SLIT3: variants seen among roughly 807,000 people sequenced by gnomAD.
SLIT3 encodes the protein slit homolog 3 protein.
In SLIT3, 68 loss-of-function variants were observed where a neutral mutation model predicts 184.0. The observed-to-expected ratio is 0.37, with a 90% CI of 0.30 to 0.45. The LOEUF (loss-of-function observed/expected upper bound fraction) is 0.45, where lower values mean the gene tolerates loss of function less well. Ranked by LOEUF, SLIT3 falls within the 20% of genes least tolerant of loss-of-function variation. SLIT3 has a pLI of 1.00. For synonymous variants in SLIT3, 831 were observed against 828.6 expected, an observed-to-expected ratio of 1.00 and a Z score of -0.05; for missense variants, 1,707 against 2,026.0, an observed-to-expected ratio of 0.84 and a Z score of 3.02.
intron 4 of SLIT3, among the ~76,000 whole-genome samples, chr5:168,910,158 A>G (rs1296206749): frequency 3.3e-5 from 5 of 152,306 alleles, no homozygotes; most frequent in Admixed American, 3.3e-4. Flanking sequence ...TAGAGTATTT[A>G]CTTCTCTGGC....
chr5:169,269,711 G>A (rs1214924148), intron 1 of SLIT3, among the ~76,000 whole-genome samples: 2 of 152,260 alleles, frequency 1.3e-5, no homozygotes, highest in African/African-American at 4.8e-5. Flanking sequence ...CTGATAAAAT[G>A]CCAAGGGGCA....
intron 4 of SLIT3, among the ~76,000 whole-genome samples, chr5:168,963,167 T>A (rs1763073858): frequency 6.6e-6 from 1 of 152,240 alleles, no homozygotes; most frequent in Non-Finnish European, 1.5e-5. Context: ...CAGTCACTCA[T>A]GCTTATTTCT....
Position 168,931,463 on chromosome 5 carries a change from G to A in SLIT3, c.414-48127C>T, listed in dbSNP as rs139445121. On this transcript the variant is annotated intron_variant, in intron 4 of 35. Coordinates refer to ENST00000519560, the MANE Select transcript of SLIT3 (RefSeq NM_003062.4). ...TCAGGGGTGAGCAAAAGAGAGACAT[G>A]GCCCCTGGTGTCACTGAGCCTAAGG... Among the ~76,000 whole-genome samples, 344 of 152,284 alleles carry A rather than the reference G, an allele frequency of 2.3e-3. 2 individuals carry two copies. The highest frequency in any genetic ancestry group is 3.3e-3 in the South Asian group (16 of 4,824).
rs575291991 is a variant in SLIT3 at position 169,294,013 on chromosome 5, G to A, written c.197+6500C>T. On this transcript the variant is annotated intron_variant, in intron 1 of 35. Coordinates refer to ENST00000519560, the MANE Select transcript of SLIT3 (RefSeq NM_003062.4). ...GAGAGCACGGGGAGCTCAGCACAGTGCCAGGGCACCCTCTACAGCCATCTA... is the reference window on the plus strand; with the variant it reads ...GAGAGCACGGGGAGCTCAGCACAGTACCAGGGCACCCTCTACAGCCATCTA... 1.0e-3 allele frequency among the ~76,000 whole-genome samples: 155 copies of A among 152,346 alleles called. 1 individual carries two copies. The highest frequency in any genetic ancestry group is 9.7e-4 in the Non-Finnish European group (66 of 68,040).
chr5:169,024,584 A>G (rs1756741623), intron 4 of SLIT3: 1 of 152,180 alleles, frequency 6.6e-6, no homozygotes, highest in South Asian at 2.1e-4. Flanking sequence ...GAGCAACAGC[A>G]CAGGATCGGG....
Position 168,904,065 on chromosome 5 carries a change from C to T in SLIT3, c.414-20729G>A, listed in dbSNP as rs559217855. ...TGAGGTAAATACCTTGTGTGAGGCACTTGGCAAAGTGGGAACTGAAACTGA... is the reference window on the plus strand; with the variant it reads ...TGAGGTAAATACCTTGTGTGAGGCATTTGGCAAAGTGGGAACTGAAACTGA... On this transcript the variant is annotated intron_variant, in intron 4 of 35. Transcript: ENST00000519560. 2.6e-5 allele frequency among the ~76,000 whole-genome samples: 4 copies of T among 152,244 alleles called. No homozygotes were observed. In the East Asian group the frequency reaches 7.7e-4, roughly 29 times the overall value.
At chr5:168,951,403 A>C (rs1037606476) in intron 4 of SLIT3, among the ~76,000 whole-genome samples, 4 of 152,178 alleles carry the variant, frequency 2.6e-5, no homozygotes, top group Non-Finnish European at 4.4e-5. Flanking sequence ...CCCCAGGTAG[A>C]AGATCAGGCA....
intron 4 of SLIT3, among the ~76,000 whole-genome samples, chr5:169,164,262 T>G (rs1416869845): frequency 6.6e-6 from 1 of 151,978 alleles, no homozygotes. Flanking sequence ...GGAGGGAAAA[T>G]GGGATCTTAA....
chr5:169,178,114 T>C (rs1355968865), intron 4 of SLIT3, among the ~76,000 whole-genome samples: 1 of 152,232 alleles, frequency 6.6e-6, no homozygotes, highest in Non-Finnish European at 1.5e-5. Flanking sequence ...AGCAAATCTA[T>C]CACCAGTATC....
chr5:168,860,205 T>C (rs1759051050), intron 5 of SLIT3, among the ~76,000 whole-genome samples: 1 of 152,188 alleles, frequency 6.6e-6, no homozygotes, highest in South Asian at 2.1e-4. Flanking sequence ...GAGAGAAGAA[T>C]TACTTAAAAT....
At chr5:168,883,981 T>C (rs955356073) in intron 4 of SLIT3, among the ~76,000 whole-genome samples, 2 of 152,140 alleles carry the variant, frequency 1.3e-5, no homozygotes, top group African/African-American at 4.8e-5. Context: ...CATTAAGCAG[T>C]GCCAGCATGT....
At chr5:169,200,705 G>C (rs1763882718) in intron 3 of SLIT3, among the ~76,000 whole-genome samples, 1 of 152,200 alleles carries the variant, frequency 6.6e-6, no homozygotes, top group African/African-American at 2.4e-5. Context: ...AGAGATCCTT[G>C]ATCTGGGGCT....
intron 4 of SLIT3, among the ~76,000 whole-genome samples, chr5:169,141,820 G>A (rs2113345594): frequency 6.6e-6 from 1 of 151,262 alleles, no homozygotes; most frequent in South Asian, 2.1e-4. Context: ...GAGAGGCCGA[G>A]GCAGATGGAT....
intron 14 of SLIT3, among the ~76,000 whole-genome samples, chr5:168,763,541 G>A (rs559701354): frequency 1.3e-5 from 2 of 152,272 alleles, no homozygotes; most frequent in Non-Finnish European, 2.9e-5. Flanking sequence ...GCTAAAAGTT[G>A]GAGCTGAGAT....
intron 4 of SLIT3, among the ~76,000 whole-genome samples, chr5:169,131,173 G>C (rs1042618240): frequency 2.0e-5 from 3 of 152,202 alleles, no homozygotes; most frequent in African/African-American, 7.2e-5. Flanking sequence ...ACATTACTTA[G>C]CTGTTAACGA....
chr5:169,211,895 T>C (rs907993322), intron 3 of SLIT3, among the ~76,000 whole-genome samples: 12 of 152,214 alleles, frequency 7.9e-5, no homozygotes, highest in Admixed American at 5.9e-4. Context: ...TGTTTGGTTT[T>C]CTGTTCTTAT....
chr5:168,921,807 G>A lies in SLIT3; in HGVS notation c.414-38471C>T, dbSNP rs139886198. Among the ~76,000 whole-genome samples the A allele has an allele frequency of 7.3e-3, 1,111 of 152,304 alleles. 3 individuals carry two copies. The highest frequency in any genetic ancestry group is 0.012 in the Non-Finnish European group (830 of 68,016). On this transcript the variant is annotated intron_variant, in intron 4 of 35. Coordinates refer to ENST00000519560, the MANE Select transcript of SLIT3 (RefSeq NM_003062.4). ...GAAGGAGAACACTTTGTTTATAAAT[G>A]CTATCCTTCTTCAAATTAAATTAGA...
At chr5:169,018,486 G>A (rs1756478560) in intron 4 of SLIT3, 1 of 152,300 alleles carries the variant, frequency 6.6e-6, no homozygotes, top group Non-Finnish European at 1.5e-5. Context: ...CATTTTCATA[G>A]ACAGACAGGT....
intron 5 of SLIT3, among the ~76,000 whole-genome samples, chr5:168,870,481 A>G (rs1378102646): frequency 1.3e-5 from 2 of 152,000 alleles, no homozygotes; most frequent in Non-Finnish European, 2.9e-5. Context: ...CAGACCCTCA[A>G]CCTTGGAGTT....
Sources: allele counts gnomAD v4.1 joint callset (sites outside exome capture counted in the v4.1 genomes callset), GRCh38; gene constraint gnomAD v4.1.1; transcripts MANE v1.5; gene names NCBI Gene and HGNC (gene_info 2026-07-23, HGNC 2026-07-21).